Variants in PRDM11 observed in about 807,000 individuals in gnomAD.
PRDM11 encodes the protein PR/SET domain 11.
In PRDM11, 20 loss-of-function variants were observed where a neutral mutation model predicts 97.8. The ratio of observed to expected loss-of-function variants is 0.20; its 90% CI spans 0.14 to 0.30. PRDM11 has a LOEUF of 0.30. PRDM11 is among the 10% of genes least tolerant of loss of function. The pLI, the probability that PRDM11 is intolerant of heterozygous loss-of-function variation, is 1.00. For synonymous variants in PRDM11, 599 were observed against 637.7 expected, an observed-to-expected ratio of 0.94 and a Z score of 0.91; for missense variants, 1,139 against 1,555.2, an observed-to-expected ratio of 0.73 and a Z score of 4.50.
At chr11:45,113,674 A>T (rs1456872740) in intron 1 of PRDM11, among the ~76,000 whole-genome samples, 1 of 152,024 alleles carries the variant, frequency 6.6e-6, no homozygotes, top group Admixed American at 6.6e-5. Flanking sequence ...CTCTTTGGTT[A>T]AGTATATTCC....
intron 5 of PRDM11, among the ~76,000 whole-genome samples, chr11:45,206,486 G>A (rs1474785676): frequency 6.6e-6 from 1 of 152,178 alleles, no homozygotes; most frequent in Non-Finnish European, 1.5e-5. Context: ...AGGGGAGACC[G>A]TGCGTGTGTC....
chr11:45,103,537 A>G (rs1285305189), intron 1 of PRDM11, among the ~76,000 whole-genome samples: 1 of 152,018 alleles, frequency 6.6e-6, no homozygotes, highest in Non-Finnish European at 1.5e-5. Flanking sequence ...CATCTGTAAA[A>G]CCAGGAAAAA....
chr11:45,114,924 A>G (rs929849936), intron 1 of PRDM11, among the ~76,000 whole-genome samples: 2 of 152,156 alleles, frequency 1.3e-5, no homozygotes, highest in East Asian at 3.8e-4. Flanking sequence ...CTGCCAGTAG[A>G]CCTGTTTCAC....
intron 1 of PRDM11, among the ~76,000 whole-genome samples, chr11:45,101,200 G>A (rs1565219518): frequency 1.3e-5 from 2 of 152,204 alleles, no homozygotes; most frequent in African/African-American, 4.8e-5. Flanking sequence ...GGGAGGGGGT[G>A]CTGTCAGGCT....
chr11:45,107,031 C>T (rs928139513), intron 1 of PRDM11, among the ~76,000 whole-genome samples: 1 of 152,176 alleles, frequency 6.6e-6, no homozygotes, highest in Admixed American at 6.5e-5. Flanking sequence ...AGAACTGCTT[C>T]TGTCTGTGAG....
intron 1 of PRDM11, among the ~76,000 whole-genome samples, chr11:45,100,053 AT>A (rs751550533): frequency 2.6e-5 from 4 of 151,998 alleles, no homozygotes; most frequent in African/African-American, 7.3e-5. Flanking sequence ...AAGATTTTTT[AT>A]TTTTTTTAAG....
intron 1 of PRDM11, among the ~76,000 whole-genome samples, chr11:45,114,445 A>C (rs1424708182): frequency 6.6e-6 from 1 of 152,192 alleles, no homozygotes; most frequent in Non-Finnish European, 1.5e-5. Flanking sequence ...AGAAATCTGT[A>C]AGATAATATT....
In PRDM11 at chr11:45,227,029, A is replaced by G; in HGVS notation, c.2404A>G (p.Met802Val). 6.5e-7 allele frequency: 1 copy of G among 1,533,952 alleles called. No homozygotes were observed. Among genetic ancestry groups the G allele is most frequent in the African/African-American group, 1.4e-5 (1 of 73,100 alleles). The change falls in exon 8 of 8, where the codon ATG (methionine) becomes GTG (valine). Residue 802 changes from methionine (M) to valine (V), a missense_variant. Met to Val is a conservative substitution (Grantham distance 21). Around this residue, in one of 2 missense-constraint regions of PRDM11, gnomAD observed 710 missense variants for 1,044.9 expected, o/e 0.68. Coordinates refer to ENST00000683152, the MANE Select transcript of PRDM11 (RefSeq NM_001384648.1). This position sits in a 1 kb window ranked among gnomAD's most constrained non-coding sequence, Gnocchi z 8.0. Reference sequence around the variant, plus strand: ...CTTCTACCGCTACTCACCGCGCCTCATGTGCGAGCTGCGGTCCACGGCGGC... The same window carrying G: ...CTTCTACCGCTACTCACCGCGCCTCGTGTGCGAGCTGCGGTCCACGGCGGC... ...LSFYRYSPRL[M>V]CELRSTAATL...
intron 1 of PRDM11, among the ~76,000 whole-genome samples, chr11:45,167,842 TAGTG>T (rs1405718724): frequency 6.6e-6 from 1 of 150,942 alleles, no homozygotes; most frequent in East Asian, 2.0e-4. Flanking sequence ...GGCTGCCTGA[TAGTG>T]AGTTCCCTGT....
intron 1 of PRDM11, among the ~76,000 whole-genome samples, chr11:45,117,011 G>A (rs1351854246): frequency 6.6e-6 from 1 of 152,140 alleles, no homozygotes; most frequent in Non-Finnish European, 1.5e-5. Flanking sequence ...ATTACCTGAG[G>A]TCAGGAGTTC....
chr11:45,226,841 G>A lies in PRDM11; in HGVS notation c.2216G>A (p.Ser739Asn), dbSNP rs1270618536. The A allele has an allele frequency of 6.5e-7, 1 of 1,533,178 alleles. No individual in the cohort carries two copies. Among genetic ancestry groups the A allele is most frequent in the Non-Finnish European group, 8.7e-7 (1 of 1,146,538 alleles). 95.0% of individuals were successfully genotyped at this position (1,533,178 alleles called of 1,614,324 possible). A position where few individuals can be genotyped will look rare whatever the true frequency, so the allele number is the denominator to read the frequency against. The change falls in exon 8 of 8, where the codon AGC becomes AAC. Residue 739 changes from serine to asparagine, a missense_variant. By Grantham distance (46) the Ser-to-Asn change is conservative. Coordinates refer to ENST00000683152, the MANE Select transcript of PRDM11 (RefSeq NM_001384648.1). ...GTAGATGGAGCCAACATCACAGCCA[G>A]CCTCCGTGCCAGCATGTTCATGACC... ...LGVDGANITA[S>N]LRASMFMTIR... is the part of the protein sequence containing the mutation.
At chr11:45,180,548 C>T (rs1308320030) in intron 1 of PRDM11, among the ~76,000 whole-genome samples, 4 of 151,650 alleles carry the variant, frequency 2.6e-5, no homozygotes, top group Non-Finnish European at 5.9e-5. Flanking sequence ...TCTCCCACCG[C>T]CCCGCCCGGG....
At chr11:45,173,182 C>G (rs1247417072) in intron 1 of PRDM11, among the ~76,000 whole-genome samples, 1 of 152,086 alleles carries the variant, frequency 6.6e-6, no homozygotes, top group Non-Finnish European at 1.5e-5. Flanking sequence ...TGGTGCTGGG[C>G]AAAGGCTCGG....
chr11:45,224,275 G>C lies in PRDM11; in HGVS notation c.801G>C (p.Leu267=), dbSNP rs541552494. The change falls in exon 7 of 8, where the codon CTG becomes CTC. Residue 267 remains leucine (L), a synonymous_variant. Coordinates refer to ENST00000683152, the MANE Select transcript of PRDM11 (RefSeq NM_001384648.1). ...AGGTTCTGGATAACCCAGAAGACCT[G>C]AGGGGTCCCATTCATCTCTCTGTGC... ...SEQVLDNPED[L]RGPIHLSVLR... is the part of the protein sequence containing the mutation. 6.2e-6 allele frequency: 10 copies of C among 1,613,878 alleles called. No individual in the cohort carries two copies. In the East Asian group the frequency reaches 8.9e-5, roughly 14 times the overall value.
At chr11:45,122,633 C>T (rs141861964) in intron 1 of PRDM11, among the ~76,000 whole-genome samples, 5,951 of 151,994 alleles carry the variant, frequency 0.039, 409 homozygotes, top group African/African-American at 0.14. Flanking sequence ...AGAATGATGA[C>T]TTCCAGTTTC....
chr11:45,209,420 A>C, intron 5 of PRDM11: 1 of 297,200 alleles, frequency 3.4e-6, no homozygotes, highest in South Asian at 2.9e-5. Context: ...CACTCTTTCC[A>C]TCCTCCCCTC....
chr11:45,134,226 T>C (rs1236368744), intron 1 of PRDM11, among the ~76,000 whole-genome samples: 1 of 152,202 alleles, frequency 6.6e-6, no homozygotes, highest in African/African-American at 2.4e-5. Flanking sequence ...TCGGACCAAA[T>C]AGCTCATGCT....
intron 1 of PRDM11, among the ~76,000 whole-genome samples, chr11:45,139,396 A>G (rs533620022): frequency 6.6e-6 from 1 of 152,110 alleles, no homozygotes; most frequent in East Asian, 1.9e-4. Flanking sequence ...GTGAAACCCC[A>G]TCTCTACTAA....
chr11:45,112,331 C>T (rs75526794), intron 1 of PRDM11, among the ~76,000 whole-genome samples: 3,825 of 152,252 alleles, frequency 0.025, 164 homozygotes, highest in African/African-American at 0.088. Context: ...TTTTCTTATC[C>T]ACTGGTTGGT....
Sources: gnomAD v4.1 joint callset for allele counts (sites outside exome capture counted in the v4.1 genomes callset) on GRCh38, gnomAD v4.1.1 for gene constraint, gnomAD v4.1.1 regional missense constraint, Gnocchi (gnomAD v3.1) non-coding constraint, MANE v1.5 for transcripts, NCBI Gene and HGNC (gene_info 2026-07-23, HGNC 2026-07-21) for gene names.